The following LINGO2 variants were observed in gnomAD, a reference collection of about 807,000 sequenced individuals.
LINGO2 encodes leucine rich repeat and Ig domain containing 2.
In LINGO2, 14 loss-of-function variants were observed where a neutral mutation model predicts 30.6. The ratio of observed to expected loss-of-function variants is 0.46; its 90% confidence interval spans 0.30 to 0.72. The LOEUF (loss-of-function observed/expected upper bound fraction) is 0.72. Among genes scored for constraint, LINGO2 ranks in the 30% least tolerant of loss-of-function variants. The pLI, the probability that LINGO2 is intolerant of heterozygous loss-of-function variation, is 0.07. For missense variants in LINGO2, 729 were observed against 751.7 expected, an observed-to-expected ratio of 0.97 and a Z score of 0.35; for synonymous variants, 317 against 288.5, an observed-to-expected ratio of 1.10 and a Z score of -1.00.
chr9:29,193,837 T>A, the LINGO2 span, among the ~76,000 whole-genome samples: 4 of 152,198 alleles, frequency 2.6e-5, no homozygotes, highest in Non-Finnish European at 4.4e-5. Flanking sequence ...GTCTTTCTCC[T>A]GTAACGTTCA....
chr9:28,380,041 ATTAT>A (rs916302881), intron 2 of LINGO2, among the ~76,000 whole-genome samples: 12 of 152,058 alleles, frequency 7.9e-5, no homozygotes, highest in African/African-American at 2.9e-4. Flanking sequence ...TTATTTACAG[ATTAT>A]TTATGTCCTC....
At chr9:28,856,279 C>T in the LINGO2 span, among the ~76,000 whole-genome samples, 16 of 151,924 alleles carry the variant, frequency 1.1e-4, no homozygotes, top group African/African-American at 3.6e-4. Flanking sequence ...TAATACGTAT[C>T]GAGCATCCTC....
At chr9:28,597,943 T>C (rs2135733282) in intron 1 of LINGO2, among the ~76,000 whole-genome samples, 1 of 152,148 alleles carries the variant, frequency 6.6e-6, no homozygotes, top group South Asian at 2.1e-4. Flanking sequence ...TTTTGTATTT[T>C]TAGTAGAGAA....
rs543961153 is a variant in LINGO2 at position 28,063,980 on chromosome 9, C to T, written c.-86-51575G>A. Among the ~76,000 whole-genome samples the T allele has an allele frequency of 5.3e-5, 8 of 152,196 alleles. No homozygotes were observed. In the South Asian group the frequency reaches 1.7e-3, roughly 32 times the overall value. On this transcript the variant is annotated intron_variant, in intron 4 of 5. Transcript: ENST00000379992. The stretch of plus-strand genomic sequence containing the variant: ...ACACCTCAATACATAATATTATCTC[C>T]TGGTTATTAAATCCCAGTGGGCTTG...
the LINGO2 span, among the ~76,000 whole-genome samples, chr9:28,974,222 T>C: frequency 5.3e-5 from 8 of 152,038 alleles, no homozygotes; most frequent in East Asian, 7.8e-4. Context: ...CTGGCCAATA[T>C]AGTGAAACCC....
the LINGO2 span, among the ~76,000 whole-genome samples, chr9:28,761,162 T>A: frequency 1.2e-4 from 18 of 152,020 alleles, no homozygotes; most frequent in East Asian, 3.1e-3. Flanking sequence ...TAGCAAACTT[T>A]CATAAAGAAA....
intron 2 of LINGO2, among the ~76,000 whole-genome samples, chr9:28,399,913 C>G (rs1257424821): frequency 6.6e-6 from 1 of 152,104 alleles, no homozygotes; most frequent in African/African-American, 2.4e-5. Context: ...GTTGAAGAAT[C>G]AATATAAATA....
intron 5 of LINGO2, among the ~76,000 whole-genome samples, chr9:27,969,701 A>AAAACAAAC (rs150464767): frequency 7.2e-5 from 11 of 151,962 alleles, no homozygotes; most frequent in African/African-American, 2.7e-4. Context: ...TTACTCTAGT[A>AAAACAAAC]AAACAAACAA....
chr9:28,262,522 G>A (rs1313883957), intron 4 of LINGO2, among the ~76,000 whole-genome samples: 2 of 151,826 alleles, frequency 1.3e-5, no homozygotes, highest in Admixed American at 1.3e-4. Flanking sequence ...GATATAGAAA[G>A]GCAAGTACTA....
intron 1 of LINGO2, among the ~76,000 whole-genome samples, chr9:28,562,936 T>C (rs1823178613): frequency 1.3e-5 from 2 of 151,994 alleles, no homozygotes; most frequent in African/African-American, 4.8e-5. Flanking sequence ...AAACTCCATC[T>C]CCCGGGTTCA....
chr9:29,139,249 C>T, the LINGO2 span, among the ~76,000 whole-genome samples: 11 of 152,154 alleles, frequency 7.2e-5, no homozygotes, highest in Admixed American at 7.2e-4. Context: ...TGTCTGAAGC[C>T]CTAGCCTAAT....
chr9:27,968,238 TCA>T (rs1820192113), intron 5 of LINGO2, among the ~76,000 whole-genome samples: 1 of 152,062 alleles, frequency 6.6e-6, no homozygotes, highest in Admixed American at 6.6e-5. Context: ...CAAATTGGAA[TCA>T]CATAATTTTA....
chr9:28,235,830 T>C (rs1821543025), intron 4 of LINGO2, among the ~76,000 whole-genome samples: 1 of 152,098 alleles, frequency 6.6e-6, no homozygotes, highest in African/African-American at 2.4e-5. Flanking sequence ...CTACAAGATC[T>C]AGAAAACAGT....
the LINGO2 span, among the ~76,000 whole-genome samples, chr9:29,153,747 G>A: frequency 6.6e-6 from 1 of 151,984 alleles, no homozygotes; most frequent in African/African-American, 2.4e-5. Flanking sequence ...CAATCAAACT[G>A]GTAATACTGA....
the LINGO2 span, among the ~76,000 whole-genome samples, chr9:28,789,921 C>G: frequency 6.6e-6 from 1 of 152,134 alleles, no homozygotes; most frequent in Non-Finnish European, 1.5e-5. Flanking sequence ...CCTTCTTTGA[C>G]TACTAGAATA....
the LINGO2 span, among the ~76,000 whole-genome samples, chr9:28,905,495 A>T: frequency 6.6e-6 from 1 of 152,050 alleles, no homozygotes; most frequent in Non-Finnish European, 1.5e-5. Context: ...ACCTACACAA[A>T]TAATTGTCAA....
At chr9:28,209,154 G>A (rs959837159) in intron 4 of LINGO2, among the ~76,000 whole-genome samples, 1 of 151,964 alleles carries the variant, frequency 6.6e-6, no homozygotes, top group Non-Finnish European at 1.5e-5. Context: ...TTTTCAAAGC[G>A]TCCTTTCGTG....
At chr9:28,473,705 C>T (rs1350294044) in intron 2 of LINGO2, among the ~76,000 whole-genome samples, 1 of 152,028 alleles carries the variant, frequency 6.6e-6, no homozygotes, top group Non-Finnish European at 1.5e-5. Context: ...GGGGAAGAAA[C>T]ACAGGGTCTC....
intron 4 of LINGO2, among the ~76,000 whole-genome samples, chr9:28,226,760 G>A (rs1282290880): frequency 2.0e-5 from 3 of 152,086 alleles, no homozygotes; most frequent in Non-Finnish European, 4.4e-5. Context: ...TGCATCCCTT[G>A]GATCCATCCC....
Sources: gnomAD v4.1 joint callset for allele counts (sites outside exome capture counted in the v4.1 genomes callset) on GRCh38, gnomAD v4.1.1 for gene constraint, MANE v1.5 for transcripts, NCBI Gene and HGNC (gene_info 2026-07-23, HGNC 2026-07-21) for gene names.